Variants in CDC42SE2 observed in about 807,000 individuals in gnomAD.
The protein encoded by CDC42SE2 is CDC42 small effector protein 2.
Under a neutral mutation model 11.5 loss-of-function variants are expected in CDC42SE2, and 3 were observed. That is an observed-to-expected ratio of 0.26 (90% CI 0.12 to 0.67). CDC42SE2 has a LOEUF of 0.67. Ranked by LOEUF, CDC42SE2 falls within the 30% of genes least tolerant of loss-of-function variation. The probability of loss-of-function intolerance (pLI) is 0.80; values close to 1 mark genes in which losing one functional copy is unlikely to be tolerated. For missense variants in CDC42SE2, 82 were observed against 106.8 expected (o/e 0.77, Z 1.02); for synonymous variants, 33 against 34.8 (o/e 0.95, Z 0.18).
intron 4 of CDC42SE2, among the ~76,000 whole-genome samples, chr5:131,390,383 GAAAC>G (rs1428250798): frequency 2.0e-5 from 3 of 152,158 alleles, no homozygotes; most frequent in Admixed American, 2.0e-4. Flanking sequence ...TTGAGGTTGA[GAAAC>G]AAAGTGGAGT....
chr5:131,352,895 G>A (rs1749388248), intron 2 of CDC42SE2, among the ~76,000 whole-genome samples: 1 of 152,158 alleles, frequency 6.6e-6, no homozygotes, highest in Non-Finnish European at 1.5e-5. Context: ...TAGCAAGGGT[G>A]TTCACTCGTA....
At chr5:131,341,631 C>T (rs1242275765) in intron 2 of CDC42SE2, among the ~76,000 whole-genome samples, 2 of 151,910 alleles carry the variant, frequency 1.3e-5, no homozygotes, top group African/African-American at 2.4e-5. Context: ...TAGGAAGAAA[C>T]CAAAAGAATA....
chr5:131,342,151 A>T (rs1758725270), intron 2 of CDC42SE2, among the ~76,000 whole-genome samples: 1 of 150,786 alleles, frequency 6.6e-6, no homozygotes, highest in Non-Finnish European at 1.5e-5. Context: ...GTCGTGGTGC[A>T]TGCCTGTAAT....
the CDC42SE2 span, among the ~76,000 whole-genome samples, chr5:131,214,079 AG>A: frequency 6.6e-6 from 1 of 152,252 alleles, no homozygotes; most frequent in East Asian, 1.9e-4. Context: ...AACTAAATAC[AG>A]TGTTTTAAAA....
chr5:131,321,149 C>T (rs985623057), intron 2 of CDC42SE2, among the ~76,000 whole-genome samples: 1 of 152,160 alleles, frequency 6.6e-6, no homozygotes, highest in African/African-American at 2.4e-5. Flanking sequence ...CTCTTTAATA[C>T]ATCAGTTTCA....
At chr5:131,309,909 A>G (rs2149723161) in intron 1 of CDC42SE2, among the ~76,000 whole-genome samples, 1 of 151,474 alleles carries the variant, frequency 6.6e-6, no homozygotes, top group South Asian at 2.1e-4. Context: ...TCCTGGATTC[A>G]TTAATTTTTT....
chr5:131,223,323 G>A, the CDC42SE2 span, among the ~76,000 whole-genome samples: 1 of 152,072 alleles, frequency 6.6e-6, no homozygotes. Flanking sequence ...TCTGGCCCTT[G>A]ACCTTCGCTT....
the CDC42SE2 span, among the ~76,000 whole-genome samples, chr5:131,229,164 G>C: frequency 6.6e-6 from 1 of 150,784 alleles, no homozygotes; most frequent in African/African-American, 2.5e-5. Context: ...ATTACCTTAT[G>C]GGGTGTGTGT....
the CDC42SE2 span, among the ~76,000 whole-genome samples, chr5:131,228,052 C>A: frequency 2.2e-4 from 34 of 152,240 alleles, no homozygotes; most frequent in African/African-American, 7.7e-4. Flanking sequence ...ACTAAAAATA[C>A]AAAAAATAGC....
At chr5:131,303,393 A>G (rs1388471489) in intron 1 of CDC42SE2, among the ~76,000 whole-genome samples, 1 of 152,216 alleles carries the variant, frequency 6.6e-6, no homozygotes, top group Non-Finnish European at 1.5e-5. Flanking sequence ...AATAGGGTCA[A>G]GGCCTGATAA....
intron 1 of CDC42SE2, among the ~76,000 whole-genome samples, chr5:131,296,035 A>G (rs1434874380): frequency 1.3e-5 from 2 of 152,188 alleles, no homozygotes; most frequent in Non-Finnish European, 2.9e-5. Context: ...TATCTGGTCA[A>G]AATATGTACA....
At chr5:131,351,737 A>T (rs933077509) in intron 2 of CDC42SE2, among the ~76,000 whole-genome samples, 10 of 152,244 alleles carry the variant, frequency 6.6e-5, no homozygotes, top group Admixed American at 2.0e-4. Context: ...GTCTAGAAAA[A>T]GAAACAGATT....
chr5:131,296,714 GGTTAGGATTTCAACATAT>G (rs1410285489), intron 1 of CDC42SE2, among the ~76,000 whole-genome samples: 3 of 152,112 alleles, frequency 2.0e-5, no homozygotes, highest in Non-Finnish European at 4.4e-5. Context: ...GTACTGGGGG[GGTTAGGATTTCAACATAT>G]CTTTTTGGGA....
chr5:131,321,268 A>T (rs1758181176), intron 2 of CDC42SE2, among the ~76,000 whole-genome samples: 1 of 152,192 alleles, frequency 6.6e-6, no homozygotes, highest in Admixed American at 6.5e-5. Context: ...TGTAATAGTG[A>T]AGTATTAGAA....
the CDC42SE2 span, among the ~76,000 whole-genome samples, chr5:131,214,210 A>T: frequency 3.3e-5 from 5 of 152,200 alleles, no homozygotes; most frequent in South Asian, 6.2e-4. Context: ...ACACCATTTT[A>T]AAAAATGTCA....
At chr5:131,379,651 A>C (rs1750260859) in intron 3 of CDC42SE2, among the ~76,000 whole-genome samples, 1 of 152,182 alleles carries the variant, frequency 6.6e-6, no homozygotes, top group South Asian at 2.1e-4. Context: ...CATTTTGCCT[A>C]ATGTCCCCTC....
the CDC42SE2 span, among the ~76,000 whole-genome samples, chr5:131,234,305 A>G: frequency 6.6e-6 from 1 of 152,200 alleles, no homozygotes; most frequent in Non-Finnish European, 1.5e-5. Context: ...TTCTGGATAA[A>G]CAGAATCAAT....
chr5:131,391,210 T>C lies in CDC42SE2; in HGVS notation c.*119T>C, dbSNP rs986586561. 4.9e-5 allele frequency: 18 copies of C among 367,822 alleles called. No homozygotes were observed. The highest frequency in any genetic ancestry group is 1.1e-4 in the South Asian group (1 of 8,734). The allele number at this position is 367,822 out of a possible 1,614,324, so 22.8% of individuals were successfully genotyped here. ...ATATAATTTTTTAATGGTGAACTTA[T>C]TGGGAAAGGCAAAATTACTCAGCTA... is the stretch of plus-strand genomic sequence containing the variant. On this transcript the variant is annotated 3_prime_UTR_variant, in exon 5 of 5. Coordinates refer to ENST00000505065, the MANE Select transcript of CDC42SE2 (RefSeq NM_001375635.1).
chr5:131,365,775 G>A (rs928966150), intron 3 of CDC42SE2, among the ~76,000 whole-genome samples: 1 of 152,198 alleles, frequency 6.6e-6, no homozygotes, highest in African/African-American at 2.4e-5. Context: ...GAGGTCAGAA[G>A]ATCGAGACCA....
Sources: gnomAD v4.1 joint callset for allele counts (sites outside exome capture counted in the v4.1 genomes callset) on GRCh38, gnomAD v4.1.1 for gene constraint, MANE v1.5 for transcripts, NCBI Gene and HGNC (gene_info 2026-07-23, HGNC 2026-07-21) for gene names.